The following XKR4 variants were observed in gnomAD, a reference collection of about 807,000 sequenced individuals.
XKR4 encodes XK-related protein 4.
In XKR4, 12 loss-of-function variants were observed where a neutral mutation model predicts 53.9. The ratio of observed to expected loss-of-function variants is 0.22; its 90% CI spans 0.14 to 0.36. XKR4 has a LOEUF of 0.36. Among genes scored for constraint, XKR4 ranks in the 10% least tolerant of loss-of-function variants. The probability of loss-of-function intolerance (pLI) is 1.00; values close to 1 mark genes in which losing one functional copy is unlikely to be tolerated. For synonymous variants in XKR4, 354 were observed against 362.4 expected (o/e 0.98, Z 0.26); for missense variants, 799 against 859.5 (o/e 0.93, Z 0.88).
intron 2 of XKR4, among the ~76,000 whole-genome samples, chr8:55,470,753 T>A (rs908866223): frequency 6.6e-6 from 1 of 152,198 alleles, no homozygotes; most frequent in African/African-American, 2.4e-5. Flanking sequence ...CTTCTCATTA[T>A]AATTTATGGA....
intron 1 of XKR4, among the ~76,000 whole-genome samples, chr8:55,201,081 A>G (rs1014043946): frequency 1.3e-5 from 2 of 152,196 alleles, no homozygotes. Flanking sequence ...TTTTTTAAGG[A>G]TATGTATTGG....
At chr8:55,368,981 T>C (rs1210266929) in intron 2 of XKR4, among the ~76,000 whole-genome samples, 1 of 152,194 alleles carries the variant, frequency 6.6e-6, no homozygotes, top group Non-Finnish European at 1.5e-5. Flanking sequence ...TTACTTTTAT[T>C]CCCTATTACA....
intron 1 of XKR4, among the ~76,000 whole-genome samples, chr8:55,213,722 T>TTTGGAG (rs1817759906): frequency 1.3e-5 from 2 of 152,102 alleles, no homozygotes; most frequent in African/African-American, 4.8e-5. Flanking sequence ...ACAAGGACAT[T>TTTGGAG]TTGGAGGTTA....
At chr8:55,439,920 C>A (rs897166815) in intron 2 of XKR4, among the ~76,000 whole-genome samples, 5 of 152,034 alleles carry the variant, frequency 3.3e-5, no homozygotes, top group African/African-American at 9.7e-5. Context: ...GACATAGTAG[C>A]GTGAAGCTGC....
chr8:55,344,392 T>G (rs1338978871), intron 1 of XKR4, among the ~76,000 whole-genome samples: 1 of 151,932 alleles, frequency 6.6e-6, no homozygotes, highest in African/African-American at 2.4e-5. Flanking sequence ...AGGTTCTGAT[T>G]CTATCACGAT....
rs1181850404 is a variant in XKR4, at chr8:55,526,376, A to G, written c.*2149A>G. 1.3e-5 allele frequency: 2 copies of G among 152,166 alleles called. No homozygotes were observed. Among genetic ancestry groups the G allele is most frequent in the African/African-American group, 2.4e-5 (1 of 41,438 alleles). The allele number at this position is 152,166 out of a possible 1,614,324, so 9.4% of individuals were successfully genotyped here. On this transcript the variant is annotated 3_prime_UTR_variant, in exon 3 of 3. Transcript: ENST00000327381. ...AAATAGACAATTTTTATAAGTAGAC[A>G]TACTTCCTAGTACTCCATGATTTGA...
intron 2 of XKR4, among the ~76,000 whole-genome samples, chr8:55,507,789 A>G (rs939988778): frequency 2.0e-5 from 3 of 152,176 alleles, no homozygotes; most frequent in Admixed American, 6.5e-5. Flanking sequence ...TGCTATTGTG[A>G]ATAATGCCGC....
intron 2 of XKR4, among the ~76,000 whole-genome samples, chr8:55,466,344 A>G (rs1805768195): frequency 6.6e-6 from 1 of 152,092 alleles, no homozygotes; most frequent in Non-Finnish European, 1.5e-5. Flanking sequence ...AGGGACATGG[A>G]TGAAGCTGGA....
At chr8:55,198,385 T>C (rs1817531957) in intron 1 of XKR4, among the ~76,000 whole-genome samples, 1 of 152,116 alleles carries the variant, frequency 6.6e-6, no homozygotes, top group African/African-American at 2.4e-5. Context: ...AAAACCAGTA[T>C]AAACAGTAAA....
chr8:55,102,693 G>C lies in XKR4; in HGVS notation c.205G>C (p.Ala69Pro). The C allele has an allele frequency of 8.5e-7, 1 of 1,174,786 alleles. No individual in the cohort carries two copies. The highest frequency in any genetic ancestry group is 4.0e-5 in the South Asian group (1 of 24,776). The allele number at this position is 1,174,786 out of a possible 1,614,324, so 72.8% of individuals were successfully genotyped here. The change falls in exon 1 of 3, where the codon GCC becomes CCC. Residue 69 changes from alanine (A) to proline (P), a missense_variant. Coordinates refer to ENST00000327381, the MANE Select transcript of XKR4 (RefSeq NM_052898.2). This position sits in a 1 kb window ranked among gnomAD's most constrained non-coding sequence, Gnocchi z 5.1. ...CTGCTCGCGCTGCTGCTGCTGCTGC[G>C]CCGGGAGTGGCGGCTCCGCGGGCTC... ...GGCSRCCCCC[A>P]GSGGSAGSGG...
chr8:55,284,832 G>A (rs1242020466), intron 1 of XKR4, among the ~76,000 whole-genome samples: 1 of 152,174 alleles, frequency 6.6e-6, no homozygotes, highest in Admixed American at 6.5e-5. Flanking sequence ...GTAGACATAT[G>A]TTTATTGCAT....
chr8:55,475,751 C>T (rs1805974031), intron 2 of XKR4, among the ~76,000 whole-genome samples: 1 of 151,768 alleles, frequency 6.6e-6, no homozygotes, highest in African/African-American at 2.4e-5. Context: ...TATAGGCGCA[C>T]ACCACCACGC....
chr8:55,267,548 G>A (rs964516990), intron 1 of XKR4, among the ~76,000 whole-genome samples: 7 of 152,190 alleles, frequency 4.6e-5, no homozygotes, highest in Non-Finnish European at 7.3e-5. Flanking sequence ...TAATAGAGTT[G>A]TATGCTTGCA....
At chr8:55,258,754 T>G (rs1029175701) in intron 1 of XKR4, among the ~76,000 whole-genome samples, 1 of 152,212 alleles carries the variant, frequency 6.6e-6, no homozygotes, top group Non-Finnish European at 1.5e-5. Flanking sequence ...GGATTAAATC[T>G]GCACTCCCGT....
At chr8:55,198,447 A>G (rs978154630) in intron 1 of XKR4, among the ~76,000 whole-genome samples, 2 of 152,240 alleles carry the variant, frequency 1.3e-5, no homozygotes, top group South Asian at 2.1e-4. Context: ...GTCTAAGTCA[A>G]GAAAAGTTAT....
At chr8:55,470,580 A>T (rs769889276) in intron 2 of XKR4, among the ~76,000 whole-genome samples, 1 of 152,192 alleles carries the variant, frequency 6.6e-6, no homozygotes, top group Non-Finnish European at 1.5e-5. Context: ...AGTCTCAGGT[A>T]TGTCTTTATC....
chr8:55,203,708 G>A (rs540177865), intron 1 of XKR4, among the ~76,000 whole-genome samples: 3 of 152,252 alleles, frequency 2.0e-5, no homozygotes, highest in Admixed American at 2.0e-4. Context: ...TGGTAATGGG[G>A]TCCCAGCACT....
At chr8:55,448,159 C>T (rs1805373251) in intron 2 of XKR4, among the ~76,000 whole-genome samples, 1 of 152,152 alleles carries the variant, frequency 6.6e-6, no homozygotes, top group African/African-American at 2.4e-5. Flanking sequence ...GAATCGATTT[C>T]CTCTTCTATG....
intron 2 of XKR4, chr8:55,452,370 G>A (rs1443836147): frequency 6.3e-6 from 4 of 630,896 alleles, no homozygotes; most frequent in South Asian, 1.7e-5. Flanking sequence ...GAGCATCCCC[G>A]TGAAGATGAC....
Sources: gnomAD v4.1 joint callset for allele counts (sites outside exome capture counted in the v4.1 genomes callset) on GRCh38, gnomAD v4.1.1 for gene constraint, Gnocchi (gnomAD v3.1) non-coding constraint, MANE v1.5 for transcripts, NCBI Gene and HGNC (gene_info 2026-07-23, HGNC 2026-07-21) for gene names.